The following PIBF1 variants were observed in gnomAD, a reference collection of about 807,000 sequenced individuals.
PIBF1 encodes the protein progesterone immunomodulatory binding factor 1.
PIBF1 carries 90 observed loss-of-function variants against 112.5 expected under a neutral mutation model. The observed-to-expected ratio is 0.80, with a 90% CI of 0.67 to 0.95. The LOEUF (loss-of-function observed/expected upper bound fraction) is 0.95. Among genes scored for constraint, PIBF1 ranks in the 40% least tolerant of loss-of-function variants. The pLI is 0.00. For synonymous variants in PIBF1, 301 were observed against 288.6 expected (o/e 1.04, Z -0.44); for missense variants, 915 against 852.3 (o/e 1.07, Z -0.92).
At chr13:72,815,129 A>G (rs2036205626) in intron 5 of PIBF1, among the ~76,000 whole-genome samples, 1 of 152,222 alleles carries the variant, frequency 6.6e-6, no homozygotes, top group African/African-American at 2.4e-5. Context: ...AGAGACTACA[A>G]AAGCAAAATA....
intron 1 of PIBF1, among the ~76,000 whole-genome samples, chr13:72,782,908 T>TGTGTG (rs1566260541): frequency 2.1e-4 from 28 of 133,282 alleles, no homozygotes; most frequent in African/African-American, 7.8e-4. Flanking sequence ...GTGTGTGTGT[T>TGTGTG]TGTGTTTGTG....
intron 9 of PIBF1, among the ~76,000 whole-genome samples, chr13:72,844,367 T>C (rs2037739632): frequency 6.6e-6 from 1 of 152,192 alleles, no homozygotes; most frequent in Admixed American, 6.5e-5. Flanking sequence ...TACTTTAGGT[T>C]CTGGGATACA....
intron 10 of PIBF1, among the ~76,000 whole-genome samples, chr13:72,870,120 A>G (rs962346895): frequency 6.6e-6 from 1 of 152,260 alleles, no homozygotes; most frequent in African/African-American, 2.4e-5. Context: ...CTCATTTTCC[A>G]TTACCATTTT....
At position 72,927,101 on chromosome 13, in the gene PIBF1, G is replaced by GC. The variant is rs546757011; in HGVS notation, c.1731-4062dup. Among the ~76,000 whole-genome samples, 384 of 144,974 alleles carry GC rather than the reference G, an allele frequency of 2.6e-3. 4 individuals are homozygous for GC. Among genetic ancestry groups the GC allele is most frequent in the Non-Finnish European group, 4.2e-4 (28 of 66,834 alleles). On this transcript the variant is annotated intron_variant, in intron 13 of 17. Coordinates refer to ENST00000326291, the MANE Select transcript of PIBF1 (RefSeq NM_006346.4). ...TTTTGAAACAGAGTCTCACTCAGTT[G>GC]CCTAGGCTGTAGTGCAGTGGCACGA... is the stretch of plus-strand genomic sequence containing the variant.
At chr13:72,820,919 A>G (rs1007003853) in intron 5 of PIBF1, among the ~76,000 whole-genome samples, 1 of 152,144 alleles carries the variant, frequency 6.6e-6, no homozygotes, top group Non-Finnish European at 1.5e-5. Context: ...TTTAATTCTT[A>G]TTATATACCT....
At chr13:72,958,919 A>G (rs1353245352) in intron 14 of PIBF1, among the ~76,000 whole-genome samples, 4 of 152,142 alleles carry the variant, frequency 2.6e-5, no homozygotes, top group African/African-American at 9.7e-5. Context: ...CTGAGACCCA[A>G]CCCTGAGAAA....
At chr13:72,811,308 A>T (rs1290354681) in intron 5 of PIBF1, among the ~76,000 whole-genome samples, 1 of 152,190 alleles carries the variant, frequency 6.6e-6, no homozygotes, top group Non-Finnish European at 1.5e-5. Context: ...TCCTGATTTG[A>T]AATTTATATA....
chr13:72,989,916 T>G (rs1228975588), intron 16 of PIBF1, among the ~76,000 whole-genome samples: 1 of 152,080 alleles, frequency 6.6e-6, no homozygotes, highest in African/African-American at 2.4e-5. Flanking sequence ...ATAAAATGCT[T>G]TATTAAAAAA....
intron 9 of PIBF1, among the ~76,000 whole-genome samples, chr13:72,839,915 A>G (rs911044597): frequency 2.6e-5 from 4 of 152,086 alleles, no homozygotes; most frequent in Admixed American, 2.6e-4. Flanking sequence ...CCACATCAAA[A>G]TGGACACTAC....
intron 15 of PIBF1, 35 bp downstream of exon 15, chr13:72,965,439 A>C (rs903792387): frequency 6.4e-7 from 1 of 1,554,546 alleles, no homozygotes; most frequent in African/African-American, 1.4e-5. Context: ...TTGAATAATA[A>C]AGACATTGTT....
intron 16 of PIBF1, among the ~76,000 whole-genome samples, chr13:72,978,633 T>C (rs2043082490): frequency 6.6e-6 from 1 of 152,184 alleles, no homozygotes; most frequent in Admixed American, 6.5e-5. Context: ...CTTATCCAGG[T>C]GTTATAATCT....
chr13:72,842,401 A>G (rs552712731), intron 9 of PIBF1, among the ~76,000 whole-genome samples: 2 of 152,308 alleles, frequency 1.3e-5, no homozygotes, highest in East Asian at 1.9e-4. Context: ...GATTGAAAAG[A>G]TGCTTTTAAG....
intron 15 of PIBF1, among the ~76,000 whole-genome samples, chr13:72,968,528 T>G (rs1386868744): frequency 6.6e-6 from 1 of 151,900 alleles, no homozygotes; most frequent in African/African-American, 2.4e-5. Flanking sequence ...CTTGAACTCC[T>G]GACCTCAAAT....
chr13:72,784,441 C>G (rs1000581982), intron 2 of PIBF1, among the ~76,000 whole-genome samples: 3 of 146,522 alleles, frequency 2.0e-5, no homozygotes, highest in African/African-American at 7.6e-5. Flanking sequence ...GCAAGACTCT[C>G]AAAAACTAGT....
rs1456850924 is a variant in PIBF1 at position 72,797,783 on chromosome 13, A to G, written c.553-124A>G. On this transcript the variant is annotated intron_variant, in intron 4 of 17. Transcript: ENST00000326291. Reference sequence around the variant, plus strand: ...AAGTATTAGTGGCTAGGGTCCATTAATGACTGTCTTGTTGTAGTTTTGTAA... The same window carrying G: ...AAGTATTAGTGGCTAGGGTCCATTAGTGACTGTCTTGTTGTAGTTTTGTAA... 40 of 688,846 alleles carry G rather than the reference A, an allele frequency of 5.8e-5. 1 individual carries two copies. The highest frequency in any genetic ancestry group is 3.7e-4 in the South Asian group (16 of 43,496). The allele number at this position is 688,846 out of a possible 1,614,324, so 42.7% of individuals were successfully genotyped here.
At chr13:72,808,643 T>G (rs2035856514) in intron 5 of PIBF1, among the ~76,000 whole-genome samples, 1 of 152,162 alleles carries the variant, frequency 6.6e-6, no homozygotes, top group Admixed American at 6.5e-5. Flanking sequence ...CCTACACATA[T>G]GTTGTTTAGA....
intron 14 of PIBF1, among the ~76,000 whole-genome samples, chr13:72,949,299 T>TC (rs2042232741): frequency 9.2e-6 from 1 of 109,154 alleles, no homozygotes; most frequent in South Asian, 2.9e-4. Context: ...CAAATAGCTG[T>TC]CTTTTTTTTT....
At chr13:72,924,694 G>A (rs951009987) in intron 13 of PIBF1, among the ~76,000 whole-genome samples, 1 of 151,760 alleles carries the variant, frequency 6.6e-6, no homozygotes, top group African/African-American at 2.4e-5. Context: ...CCTGGCCTGG[G>A]CAATAGAGTG....
chr13:72,864,985 G>GT lies in PIBF1; in HGVS notation c.1322+10831dup, dbSNP rs201111595. Among the ~76,000 whole-genome samples, 498 of 152,230 alleles carry GT rather than the reference G, an allele frequency of 3.3e-3. 3 individuals are homozygous for GT. The highest frequency in any genetic ancestry group is 0.012 in the African/African-American group (481 of 41,544). ...TGCTTCTAAATTATACTTCAGTGGT[G>GT]TAGTCATCATGAAAAGTTCTTTCAG... On this transcript the variant is annotated intron_variant, in intron 10 of 17. Transcript: ENST00000326291.
Sources: gnomAD v4.1 joint callset for allele counts (sites outside exome capture counted in the v4.1 genomes callset) on GRCh38, gnomAD v4.1.1 for gene constraint, MANE v1.5 for transcripts, NCBI Gene and HGNC (gene_info 2026-07-23, HGNC 2026-07-21) for gene names.